Variants in THEMIS observed in about 807,000 individuals in gnomAD.
THEMIS encodes the protein protein THEMIS.
In THEMIS, 37 loss-of-function variants were observed where a neutral mutation model predicts 52.6. The observed-to-expected ratio is 0.70, with a 90% CI of 0.54 to 0.93. THEMIS has a LOEUF of 0.93. Among genes scored for constraint, THEMIS ranks in the 40% least tolerant of loss-of-function variants. THEMIS has a pLI of 0.00. For missense variants in THEMIS, 808 were observed against 763.1 expected, an observed-to-expected ratio of 1.06 and a Z score of -0.69; for synonymous variants, 292 against 272.7, an observed-to-expected ratio of 1.07 and a Z score of -0.70.
chr6:127,697,064 T>C, the THEMIS span, among the ~76,000 whole-genome samples: 1 of 152,078 alleles, frequency 6.6e-6, no homozygotes, highest in African/African-American at 2.4e-5. Context: ...GTCTACAGCC[T>C]AGACCCCTCT....
intron 4 of THEMIS, among the ~76,000 whole-genome samples, chr6:127,795,849 G>T (rs988028297): frequency 6.6e-6 from 1 of 152,160 alleles, no homozygotes; most frequent in Non-Finnish European, 1.5e-5. Context: ...GTCCTACATT[G>T]TAAGTAACTG....
At chr6:127,814,292 A>T (rs75483548) in intron 3 of THEMIS, among the ~76,000 whole-genome samples, 3,246 of 152,268 alleles carry the variant, frequency 0.021, 86 homozygotes, top group Non-Finnish European at 0.029. Context: ...CATAACATAC[A>T]TGAATATAGA....
chr6:127,757,467 T>C (rs533484240), intron 4 of THEMIS, among the ~76,000 whole-genome samples: 20 of 152,216 alleles, frequency 1.3e-4, no homozygotes, highest in African/African-American at 4.6e-4. Flanking sequence ...AAGTGATACA[T>C]GTCACACATG....
intron 3 of THEMIS, among the ~76,000 whole-genome samples, chr6:127,818,896 G>T: frequency 6.6e-6 from 1 of 151,802 alleles, no homozygotes; most frequent in African/African-American, 2.4e-5. Context: ...GAGGCAGGCA[G>T]ATCACAAGGT....
At chr6:127,903,815 A>G (rs926868142), upstream of THEMIS, among the ~76,000 whole-genome samples, 6 of 151,940 alleles carry the variant, frequency 3.9e-5, no homozygotes, top group Non-Finnish European at 8.8e-5. Context: ...TATGCAAAAT[A>G]AAAATATTCA....
intron 4 of THEMIS, among the ~76,000 whole-genome samples, chr6:127,795,251 G>A (rs1218314287): frequency 2.6e-5 from 4 of 152,116 alleles, no homozygotes; most frequent in African/African-American, 9.7e-5. Flanking sequence ...GGAAAACCAA[G>A]TATCATAAAA....
chr6:127,872,307 C>T (rs920315009), intron 1 of THEMIS, among the ~76,000 whole-genome samples: 3 of 152,132 alleles, frequency 2.0e-5, no homozygotes, highest in Non-Finnish European at 4.4e-5. Flanking sequence ...AGTGGTGGCT[C>T]ACACCTGTAA....
At chr6:127,843,301 GA>G (rs1224018095) in intron 2 of THEMIS, among the ~76,000 whole-genome samples, 2 of 150,942 alleles carry the variant, frequency 1.3e-5, no homozygotes, top group Non-Finnish European at 3.0e-5. Flanking sequence ...GATTAAGCAA[GA>G]AGTGCTTCAG....
chr6:127,842,639 A>G (rs1331862305), intron 2 of THEMIS, among the ~76,000 whole-genome samples: 1 of 151,996 alleles, frequency 6.6e-6, no homozygotes, highest in Non-Finnish European at 1.5e-5. Context: ...CTAGTATAAA[A>G]ATGATAAGAG....
intron 4 of THEMIS, among the ~76,000 whole-genome samples, chr6:127,806,320 C>T (rs1777707609): frequency 2.6e-5 from 4 of 151,974 alleles, no homozygotes; most frequent in Admixed American, 2.6e-4. Context: ...ACATTTTTTT[C>T]TGCTAAAAAA....
At chr6:127,818,925 C>T (rs1160183555) in intron 3 of THEMIS, among the ~76,000 whole-genome samples, 1 of 151,700 alleles carries the variant, frequency 6.6e-6, no homozygotes, top group Non-Finnish European at 1.5e-5. Context: ...CGAGACCATC[C>T]TGGCTAACAT....
At chr6:127,767,568 C>A (rs1332721479) in intron 4 of THEMIS, among the ~76,000 whole-genome samples, 2 of 152,280 alleles carry the variant, frequency 1.3e-5, no homozygotes, top group Non-Finnish European at 2.9e-5. Flanking sequence ...TCCCACTGGA[C>A]TTCAGGGGTA....
chr6:127,708,257 T>G lies in THEMIS; in HGVS notation c.*1728A>C, dbSNP rs1483326161. The G allele has an allele frequency of 1.3e-5, 2 of 152,074 alleles. No homozygotes were observed. Among genetic ancestry groups the G allele is most frequent in the Non-Finnish European group, 2.9e-5 (2 of 68,002 alleles). The allele number at this position is 152,074 out of a possible 1,614,324, so 9.4% of individuals were successfully genotyped here. A position where few individuals can be genotyped will look rare whatever the true frequency, so the allele number is the denominator to read the frequency against. ...AAATCTCCAATAGGTGAGCATGAAG[T>G]TTATTACACTTTTCAATATCAAGAC... On this transcript the variant is annotated 3_prime_UTR_variant, in exon 6 of 6. Transcript: ENST00000368248.
chr6:127,713,272 TTAAG>T lies in THEMIS; in HGVS notation c.1895-3260_1895-3257del, dbSNP rs372254509. On this transcript the variant is annotated intron_variant, in intron 5 of 5. Coordinates refer to ENST00000368248, the MANE Select transcript of THEMIS (RefSeq NM_001010923.3). ...TTATTTCCCCTCTCATTTGAAGTGA[TTAAG>T]TGAGTATTGTATCATGTTTCAGAGA... 5.5e-4 allele frequency among the ~76,000 whole-genome samples: 83 copies of T among 152,042 alleles called. 2 individuals carry two copies. The highest frequency in any genetic ancestry group is 4.7e-3 in the East Asian group (24 of 5,152).
At chr6:127,904,474 A>G (rs1247048932), upstream of THEMIS, among the ~76,000 whole-genome samples, 1 of 152,142 alleles carries the variant, frequency 6.6e-6, no homozygotes, top group African/African-American at 2.4e-5. Context: ...ACTGAAGCTT[A>G]GACTAAAATT....
chr6:127,871,321 A>G (rs755850426), intron 1 of THEMIS, among the ~76,000 whole-genome samples: 7 of 152,068 alleles, frequency 4.6e-5, no homozygotes. Flanking sequence ...ATATTTATAT[A>G]CACACACTGA....
intron 1 of THEMIS, among the ~76,000 whole-genome samples, chr6:127,866,388 T>C (rs1274027437): frequency 6.6e-6 from 1 of 152,030 alleles, no homozygotes; most frequent in Non-Finnish European, 1.5e-5. Context: ...TGCTACTTAA[T>C]AGTTTATTTT....
chr6:127,739,383 C>T (rs953785416), intron 4 of THEMIS, among the ~76,000 whole-genome samples: 1 of 152,172 alleles, frequency 6.6e-6, no homozygotes, highest in Admixed American at 6.5e-5. Context: ...CCCAGTGGCT[C>T]ACACTTGTAA....
At chr6:127,848,331 A>G (rs1205212161) in intron 2 of THEMIS, among the ~76,000 whole-genome samples, 1 of 151,864 alleles carries the variant, frequency 6.6e-6, no homozygotes, top group Non-Finnish European at 1.5e-5. Context: ...CCATTGTTGG[A>G]CATTTGGGTT....
Sources: gnomAD v4.1 joint callset for allele counts (sites outside exome capture counted in the v4.1 genomes callset) on GRCh38, gnomAD v4.1.1 for gene constraint, MANE v1.5 for transcripts, NCBI Gene and HGNC (gene_info 2026-07-23, HGNC 2026-07-21) for gene names.